Variants in YEATS2 observed in about 807,000 individuals in gnomAD.
YEATS2 encodes YEATS domain containing 2.
Under a neutral mutation model 163.2 loss-of-function variants are expected in YEATS2, and 77 were observed. The observed-to-expected ratio is 0.47, with a 90% CI of 0.39 to 0.57. YEATS2 has a LOEUF of 0.57. YEATS2 is among the 20% of genes least tolerant of loss of function. The probability of loss-of-function intolerance (pLI) is 0.00; values close to 1 mark genes in which losing one functional copy is unlikely to be tolerated. For missense variants in YEATS2, 1,549 were observed against 1,729.8 expected (o/e 0.90, Z 1.85); for synonymous variants, 631 against 645.1 (o/e 0.98, Z 0.33).
rs761583692 is a variant in YEATS2 at position 183,810,512 on chromosome 3, G to T, written c.4198G>T (p.Ala1400Ser). The change falls in exon 31 of 31, where the codon GCC becomes TCC. Residue 1400 changes from alanine (A) to serine (S), a missense_variant. Physicochemically the swap from Ala to Ser is moderately conservative, Grantham distance 99. Coordinates refer to ENST00000305135, the MANE Select transcript of YEATS2 (RefSeq NM_018023.5). ...AATTACAGTGAGTAATATTCACCAG[G>T]CCATTTGCAACATTCCTTTTCTGGA... ...KEITVSNIHQ[A>S]ICNIPFLDFL... 19 of 1,614,034 alleles carry T rather than the reference G, an allele frequency of 1.2e-5. 1 individual carries two copies. In the African/African-American group the frequency reaches 2.5e-4, roughly 22 times the overall value.
Position 183,738,502 on chromosome 3 carries a change from C to T in YEATS2, c.924+1673C>T, listed in dbSNP as rs186524306. ...GTGCCATACTGGTGCGCTGCACCCA[C>T]TAACTCGTCATCTAGCCTTAGGTAT... is the stretch of plus-strand genomic sequence containing the variant. On this transcript the variant is annotated intron_variant, in intron 8 of 30. Transcript: ENST00000305135. Among the ~76,000 whole-genome samples the T allele has an allele frequency of 8.7e-3, 1,232 of 140,804 alleles. 46 individuals are homozygous for T. The East Asian group carries it at 0.12, about 14-fold the overall frequency. The allele number at this position is 140,804 out of a possible 152,430, so 92.4% of individuals were successfully genotyped here. A position where few individuals can be genotyped will look rare whatever the true frequency, so the allele number is the denominator to read the frequency against.
At chr3:183,719,515 T>C (rs1420279774) in intron 4 of YEATS2, among the ~76,000 whole-genome samples, 1 of 152,228 alleles carries the variant, frequency 6.6e-6, no homozygotes, top group African/African-American at 2.4e-5. Context: ...GATTGAGACC[T>C]CATTGAACTG....
At chr3:183,710,428 T>C (rs1169899614) in intron 1 of YEATS2, among the ~76,000 whole-genome samples, 1 of 152,234 alleles carries the variant, frequency 6.6e-6, no homozygotes, top group Non-Finnish European at 1.5e-5. Context: ...CATTACACAT[T>C]ATTATTCTTG....
chr3:183,740,535 C>T (rs951888636), intron 8 of YEATS2, among the ~76,000 whole-genome samples: 2 of 152,242 alleles, frequency 1.3e-5, no homozygotes, highest in African/African-American at 4.8e-5. Context: ...TATAGAAGAT[C>T]ATACCAGCCA....
rs767954325 is a variant in YEATS2, at chr3:183,790,806, A to G, written c.2923A>G (p.Met975Val). The change falls in exon 21 of 31, where the codon ATG becomes GTG. Residue 975 changes from methionine to valine, a missense_variant. Met to Val is a conservative substitution (Grantham distance 21, BLOSUM62 1). Coordinates refer to ENST00000305135, the MANE Select transcript of YEATS2 (RefSeq NM_018023.5). Reference protein sequence around the residue: ...ANGPAQQSEGMAPVSSSTVSS... With the variant: ...ANGPAQQSEGVAPVSSSTVSS... ...CCCCATGGGTGAGCAGTCTGAAGGA[A>G]TGGCTCCCGTGTCTTCATCTACGGT... 3.1e-6 allele frequency: 5 copies of G among 1,613,664 alleles called. No homozygotes were observed. Among genetic ancestry groups the G allele is most frequent in the Admixed American group, 3.3e-5 (2 of 59,974 alleles).
At position 183,762,086 on chromosome 3, in the gene YEATS2, T is replaced by C; in HGVS notation, c.1765-11T>C. ...TGGATGTTTATTCAGTGTCATTATG[T>C]TTGTTGCAAGGTGATCATCAAACAG... On this transcript the variant is annotated splice_polypyrimidine_tract_variant and intron_variant, in intron 14 of 30. Coordinates refer to ENST00000305135, the MANE Select transcript of YEATS2 (RefSeq NM_018023.5). 1 of 1,614,110 alleles carries C rather than the reference T, an allele frequency of 6.2e-7. No individual in the cohort carries two copies. Among genetic ancestry groups the C allele is most frequent in the Non-Finnish European group, 8.5e-7 (1 of 1,179,980 alleles).
At chr3:183,806,291 G>T (rs1233050707) in intron 27 of YEATS2, 2 of 456,116 alleles carry the variant, frequency 4.4e-6, no homozygotes, top group Admixed American at 4.7e-5. Context: ...AAAAGGCCAG[G>T]AGCTGGGTGC....
At chr3:183,703,409 C>T (rs891421199) in intron 1 of YEATS2, among the ~76,000 whole-genome samples, 5 of 152,190 alleles carry the variant, frequency 3.3e-5, no homozygotes, top group Non-Finnish European at 7.3e-5. Context: ...ACAGAATCTT[C>T]TGTCTCCTAG....
At position 183,811,684 on chromosome 3, in the gene YEATS2, G is replaced by C. The variant is rs1464723179; in HGVS notation, c.*1101G>C. ...TGGGAGGGAGTGGCAGGCAGGAGAA[G>C]GTGGCGCTGCCAGGTGCCCGGGTCT... On this transcript the variant is annotated 3_prime_UTR_variant, in exon 31 of 31. Coordinates refer to ENST00000305135, the MANE Select transcript of YEATS2 (RefSeq NM_018023.5). 3 of 152,438 alleles carry C rather than the reference G, an allele frequency of 2.0e-5. No homozygotes were observed. Among genetic ancestry groups the C allele is most frequent in the East Asian group, 1.9e-4 (1 of 5,178 alleles). The allele number at this position is 152,438 out of a possible 1,614,324, so 9.4% of individuals were successfully genotyped here. A position where few individuals can be genotyped will look rare whatever the true frequency, so the allele number is the denominator to read the frequency against.
intron 1 of YEATS2, among the ~76,000 whole-genome samples, chr3:183,711,351 T>C (rs551225704): frequency 2.9e-4 from 44 of 151,290 alleles, no homozygotes; most frequent in African/African-American, 1.1e-3. Flanking sequence ...AGGGCACCTG[T>C]AGTCCCAGCT....
chr3:183,715,433 A>G (rs1004621360), intron 2 of YEATS2, among the ~76,000 whole-genome samples, 171 bp downstream of exon 2: 1 of 152,168 alleles, frequency 6.6e-6, no homozygotes, highest in Non-Finnish European at 1.5e-5. Flanking sequence ...TGTGCTGTAA[A>G]AAGTGGAAGA....
intron 15 of YEATS2, among the ~76,000 whole-genome samples, chr3:183,763,074 A>T (rs1038314477): frequency 4.7e-4 from 7 of 14,992 alleles, no homozygotes; most frequent in African/African-American, 2.8e-3. Context: ...TTAAAAAATT[A>T]AAAAAAAAAA....
At chr3:183,792,320 G>A (rs950516613) in intron 21 of YEATS2, among the ~76,000 whole-genome samples, 2 of 151,812 alleles carry the variant, frequency 1.3e-5, no homozygotes, top group South Asian at 2.1e-4. Flanking sequence ...AACAGGCCAC[G>A]GTGTGTGATG....
Position 183,724,404 on chromosome 3 carries a change from T to G in YEATS2, c.538-15T>G. 1 of 1,585,276 alleles carries G rather than the reference T, an allele frequency of 6.3e-7. No individual in the cohort carries two copies. The highest frequency in any genetic ancestry group is 8.6e-7 in the Non-Finnish European group (1 of 1,157,454). ...GTTCAAAATGAGAATGGATGTTGAT[T>G]ATGATTTTTTTCAGGATACTTCTAG... On this transcript the variant is annotated splice_polypyrimidine_tract_variant and intron_variant, in intron 5 of 30. Coordinates refer to ENST00000305135, the MANE Select transcript of YEATS2 (RefSeq NM_018023.5).
rs183813685 is a variant in YEATS2 at position 183,706,155 on chromosome 3, C to T, written c.-20+8162C>T. 2.0e-5 allele frequency among the ~76,000 whole-genome samples: 3 copies of T among 151,958 alleles called. No homozygotes were observed. In the East Asian group the frequency reaches 5.8e-4, roughly 29 times the overall value. Reference sequence around the variant, plus strand: ...TGGATGGGGCACGGTCAAGGAAGGCCCCTGATAAGGGGGAGATTTCAGCTG... The same window carrying T: ...TGGATGGGGCACGGTCAAGGAAGGCTCCTGATAAGGGGGAGATTTCAGCTG... On this transcript the variant is annotated intron_variant, in intron 1 of 30. Coordinates refer to ENST00000305135, the MANE Select transcript of YEATS2 (RefSeq NM_018023.5).
intron 21 of YEATS2, among the ~76,000 whole-genome samples, chr3:183,794,132 G>GCTAAGGTGGAATATGA (rs1724927962): frequency 6.6e-6 from 1 of 152,100 alleles, no homozygotes; most frequent in Non-Finnish European, 1.5e-5. Context: ...AGGGTTTTAA[G>GCTAAGGTGGAATATGA]CTAAGGTGGA....
chr3:183,801,933 C>G (rs1725700233), intron 25 of YEATS2: 1 of 157,990 alleles, frequency 6.3e-6, no homozygotes, highest in African/African-American at 2.4e-5. Context: ...GTCATCTCCA[C>G]TTACAGATGA....
chr3:183,743,094 G>A (rs897355245), intron 8 of YEATS2, among the ~76,000 whole-genome samples: 1 of 152,158 alleles, frequency 6.6e-6, no homozygotes, highest in African/African-American at 2.4e-5. Flanking sequence ...TTCATTGTGA[G>A]TTGCTTTATT....
intron 11 of YEATS2, 124 bp downstream of exon 11, chr3:183,754,489 A>G (rs1266374832): frequency 1.5e-6 from 2 of 1,330,346 alleles, no homozygotes; most frequent in Non-Finnish European, 9.9e-7. Context: ...ATGTTTAACA[A>G]AAGGAAGTTT....
Sources: allele counts gnomAD v4.1 joint callset (sites outside exome capture counted in the v4.1 genomes callset), GRCh38; gene constraint gnomAD v4.1.1; transcripts MANE v1.5; gene names NCBI Gene and HGNC (gene_info 2026-07-23, HGNC 2026-07-21).